Variants in PITPNM3 observed in about 807,000 individuals in gnomAD.
PITPNM3 encodes the protein PITPNM family member 3.
In PITPNM3, 26 loss-of-function variants were observed where a neutral mutation model predicts 102.0. The ratio of observed to expected loss-of-function variants is 0.25; its 90% CI spans 0.19 to 0.35. The LOEUF is 0.35. Ranked by LOEUF, PITPNM3 falls within the 10% of genes least tolerant of loss-of-function variation. The pLI is 1.00. For synonymous variants in PITPNM3, 578 were observed against 558.6 expected (o/e 1.03, Z -0.49); for missense variants, 1,083 against 1,346.1 (o/e 0.80, Z 3.06).
intron 15 of PITPNM3, 71 bp from the exon 16 acceptor site, chr17:6,464,389 G>A (rs532494963): frequency 4.7e-5 from 72 of 1,528,814 alleles, no homozygotes; most frequent in African/African-American, 4.4e-4. Context: ...GGGGCTGGGC[G>A]GGGGAACTCT....
At chr17:6,460,817 A>T (rs1904408251) in intron 18 of PITPNM3, 1 of 172,636 alleles carries the variant, frequency 5.8e-6, no homozygotes, top group South Asian at 1.5e-4. Context: ...GGGCTTGTGA[A>T]AAGGTTCCTG....
At chr17:6,548,487 G>T (rs1434121361) in intron 1 of PITPNM3, among the ~76,000 whole-genome samples, 1 of 152,146 alleles carries the variant, frequency 6.6e-6, no homozygotes, top group African/African-American at 2.4e-5. Flanking sequence ...CTCACGGGGG[G>T]CAGGAAGTAG....
intron 5 of PITPNM3, 83 bp downstream of exon 5, chr17:6,484,133 A>C: frequency 7.0e-7 from 1 of 1,435,032 alleles, no homozygotes; most frequent in Non-Finnish European, 9.7e-7. Flanking sequence ...CTGGAAGAAA[A>C]CGAGGCCGCC....
chr17:6,536,677 G>C (rs1034506150), intron 2 of PITPNM3, among the ~76,000 whole-genome samples: 2 of 152,230 alleles, frequency 1.3e-5, no homozygotes, highest in African/African-American at 4.8e-5. Context: ...CCCCGCCAAG[G>C]TCACAGAACT....
rs773758682 is a variant in PITPNM3, at chr17:6,472,798, C to G, written c.1288G>C (p.Val430Leu). ...GFQVRPACSQ[V>L]YSFFHCADPS... ...TCTGCGCAATGGAAGAAGCTGTAGA[C>G]CTGGCTGCAGGCAGGACGCACCTGG... The change falls in exon 11 of 20, where the codon GTC (valine) becomes CTC (leucine). Residue 430 changes from valine (V) to leucine (L), a missense_variant. Val to Leu is a conservative substitution (Grantham distance 32). This residue lies in a region of PITPNM3 where 410 missense variants were observed against 638.4 expected (regional missense o/e 0.64). Transcript: ENST00000262483. This position sits in a 1 kb window ranked among gnomAD's most constrained non-coding sequence, Gnocchi z 4.1. The G allele has an allele frequency of 6.2e-7, 1 of 1,614,138 alleles. No individual in the cohort carries two copies. The highest frequency in any genetic ancestry group is 8.5e-7 in the Non-Finnish European group (1 of 1,180,000).
At chr17:6,490,574 T>A (rs1361490574) in intron 4 of PITPNM3, among the ~76,000 whole-genome samples, 1 of 152,062 alleles carries the variant, frequency 6.6e-6, no homozygotes, top group Non-Finnish European at 1.5e-5. Flanking sequence ...CTTTTCAAAG[T>A]GGTTGATTCC....
At chr17:6,555,536 A>G (rs1910553088) in intron 1 of PITPNM3, among the ~76,000 whole-genome samples, 1 of 152,082 alleles carries the variant, frequency 6.6e-6, no homozygotes, top group African/African-American at 2.4e-5. Context: ...CCCTGTGGGC[A>G]CAGCTGTCCT....
intron 18 of PITPNM3, among the ~76,000 whole-genome samples, chr17:6,460,230 C>G (rs1454658814): frequency 6.6e-6 from 1 of 152,226 alleles, no homozygotes; most frequent in African/African-American, 2.4e-5. Context: ...CAAGCTCTCT[C>G]CTGCCTCCGT....
intron 6 of PITPNM3, 101 bp downstream of exon 6, chr17:6,483,416 C>A (rs1397474994): frequency 9.5e-6 from 11 of 1,157,544 alleles, no homozygotes; most frequent in South Asian, 5.3e-5. Flanking sequence ...AGAGTCCTTG[C>A]AGGTACCCAC....
rs891371068 is a variant in PITPNM3, at chr17:6,497,985, G to A, written c.274+5542C>T. On this transcript the variant is annotated intron_variant, in intron 4 of 19. Transcript: ENST00000262483. ...GGGTGAGGCAGCCGCAGGTCTCCTG[G>A]GAGAATGTCATGCCTCCTCCCACCG... 4.6e-5 allele frequency among the ~76,000 whole-genome samples: 7 copies of A among 152,326 alleles called. No individual in the cohort carries two copies. The Middle Eastern group carries it at 0.014, about 296-fold the overall frequency.
chr17:6,547,222 C>T (rs1002211911), intron 1 of PITPNM3, among the ~76,000 whole-genome samples: 1 of 152,146 alleles, frequency 6.6e-6, no homozygotes, highest in African/African-American at 2.4e-5. Context: ...AGTCTCCAAG[C>T]AGGGCACAGT....
intron 3 of PITPNM3, among the ~76,000 whole-genome samples, chr17:6,504,208 T>C (rs1372111259): frequency 6.6e-6 from 1 of 152,098 alleles, no homozygotes; most frequent in Admixed American, 6.5e-5. Flanking sequence ...TCCTTCCCCA[T>C]GCAAAGCTAC....
chr17:6,546,017 T>C (rs1463491071), intron 1 of PITPNM3, among the ~76,000 whole-genome samples: 1 of 152,196 alleles, frequency 6.6e-6, no homozygotes, highest in Non-Finnish European at 1.5e-5. Context: ...GTCCTCAGGC[T>C]TCCTCTCTGG....
chr17:6,528,305 G>C (rs1460553429), intron 2 of PITPNM3, among the ~76,000 whole-genome samples: 3 of 151,934 alleles, frequency 2.0e-5, no homozygotes, highest in Non-Finnish European at 4.4e-5. Context: ...TATCAGGCTG[G>C]GTATGTCTCT....
chr17:6,476,940 A>G (rs1905335034), intron 9 of PITPNM3, 89 bp downstream of exon 9: 7 of 1,491,742 alleles, frequency 4.7e-6, no homozygotes, highest in Non-Finnish European at 5.5e-6. Flanking sequence ...ATGGGCCCCC[A>G]TGGAAGGGCC....
At position 6,544,607 on chromosome 17, in the gene PITPNM3, G is replaced by A. The variant is rs557225320; in HGVS notation, c.23-6525C>T. Among the ~76,000 whole-genome samples, 587 of 150,332 alleles carry A rather than the reference G, an allele frequency of 3.9e-3. 3 individuals are homozygous for A. Among genetic ancestry groups the A allele is most frequent in the Non-Finnish European group, 5.8e-3 (396 of 67,694 alleles). ...GAGAGCAGTGCCTGGCTGCAGGGCT[G>A]AGGCTCATTTGAATGGTGTCTCTCT... is the stretch of plus-strand genomic sequence containing the variant. On this transcript the variant is annotated intron_variant, in intron 1 of 19. Transcript: ENST00000262483.
intron 3 of PITPNM3, among the ~76,000 whole-genome samples, chr17:6,508,250 G>T (rs1034152982): frequency 6.6e-6 from 1 of 152,256 alleles, no homozygotes; most frequent in African/African-American, 2.4e-5. Context: ...AGCCAGCCCT[G>T]AGTGCGGCCT....
intron 3 of PITPNM3, among the ~76,000 whole-genome samples, chr17:6,508,463 C>T (rs951252179): frequency 1.3e-5 from 2 of 152,206 alleles, no homozygotes; most frequent in African/African-American, 4.8e-5. Context: ...CACAATTTCA[C>T]CCCGCCTCCT....
rs970317183 is a variant in PITPNM3 at position 6,489,470 on chromosome 17, GT to G, written c.275-5179del. 4.3e-5 allele frequency among the ~76,000 whole-genome samples: 6 copies of G among 139,822 alleles called. No homozygotes were observed. The East Asian group carries it at 6.0e-4, about 14-fold the overall frequency. 91.7% of individuals were successfully genotyped at this position (139,822 alleles called of 152,430 possible). Reference sequence around the variant, plus strand: ...GCTCATACATGGGTGGAAACATAAGGTTTTTTTTTATTTTTTTTTTGCCTAA... The same window carrying G: ...GCTCATACATGGGTGGAAACATAAGGTTTTTTTTATTTTTTTTTTGCCTAA... On this transcript the variant is annotated intron_variant, in intron 4 of 19. Transcript: ENST00000262483.
Sources: allele counts gnomAD v4.1 joint callset (sites outside exome capture counted in the v4.1 genomes callset), GRCh38; gene constraint gnomAD v4.1.1; regional missense constraint gnomAD v4.1.1; non-coding constraint Gnocchi (gnomAD v3.1); transcripts MANE v1.5; gene names NCBI Gene and HGNC (gene_info 2026-07-23, HGNC 2026-07-21).